SGCD: variants seen among roughly 807,000 people sequenced by gnomAD.
SGCD encodes the protein delta-sarcoglycan.
A neutral mutation model predicts 36.6 loss-of-function variants in SGCD; 18 were observed. The ratio of observed to expected loss-of-function variants is 0.49; its 90% CI spans 0.34 to 0.73. The LOEUF (loss-of-function observed/expected upper bound fraction) is 0.73. SGCD is among the 30% of genes least tolerant of loss of function. The probability of loss-of-function intolerance (pLI) is 0.01; values close to 1 mark genes in which losing one functional copy is unlikely to be tolerated. For missense variants in SGCD, 387 were observed against 346.7 expected, an observed-to-expected ratio of 1.12 and a Z score of -0.92; for synonymous variants, 133 against 130.6, an observed-to-expected ratio of 1.02 and a Z score of -0.12.
At chr5:155,926,546 TTTAAA>T (rs1262297208) in intron 1 of SGCD, among the ~76,000 whole-genome samples, 1 of 152,204 alleles carries the variant, frequency 6.6e-6, no homozygotes, top group African/African-American at 2.4e-5. Context: ...TTCTAAACAA[TTTAAA>T]TTAAAGATAT....
the SGCD span, among the ~76,000 whole-genome samples, chr5:155,803,784 T>A: frequency 6.6e-6 from 1 of 152,212 alleles, no homozygotes; most frequent in Non-Finnish European, 1.5e-5. Flanking sequence ...TATCTGTATC[T>A]GAGGGCAAGT....
the SGCD span, among the ~76,000 whole-genome samples, chr5:155,848,288 G>A: frequency 2.0e-5 from 3 of 152,216 alleles, no homozygotes; most frequent in African/African-American, 7.2e-5. Flanking sequence ...CAGGCCACAT[G>A]GACTTTGACT....
chr5:156,276,354 A>T (rs1766318159), intron 3 of SGCD, among the ~76,000 whole-genome samples: 1 of 152,174 alleles, frequency 6.6e-6, no homozygotes, highest in Non-Finnish European at 1.5e-5. Context: ...TTTATAAAAA[A>T]CTTTGAATTT....
chr5:156,180,466 T>C (rs1478096323), intron 3 of SGCD, among the ~76,000 whole-genome samples: 1 of 152,050 alleles, frequency 6.6e-6, no homozygotes, highest in Non-Finnish European at 1.5e-5. Context: ...TTTTAAACTC[T>C]GTAGACAAAT....
At chr5:156,120,877 G>A (rs1452032028) in intron 2 of SGCD, among the ~76,000 whole-genome samples, 4 of 152,134 alleles carry the variant, frequency 2.6e-5, no homozygotes, top group African/African-American at 4.8e-5. Flanking sequence ...TGCTTCCAAT[G>A]TTGTGTCTCT....
intron 1 of SGCD, among the ~76,000 whole-genome samples, chr5:156,096,702 T>A (rs938010319): frequency 6.6e-6 from 1 of 152,202 alleles, no homozygotes; most frequent in African/African-American, 2.4e-5. Flanking sequence ...ACATTGTGCC[T>A]GGTGGAAGGA....
At position 156,458,607 on chromosome 5, in the gene SGCD, AT is replaced by A. The variant is rs200439666; in HGVS notation, c.193-49991del. ...TAACATCTCTAAACCTCAGATTTTT[AT>A]TTGTAAAAATGAAAAAAATACAATA... On this transcript the variant is annotated intron_variant, in intron 3 of 8. Transcript: ENST00000337851. The A allele has an allele frequency of 2.7e-3, 1,824 of 684,016 alleles. 23 individuals are homozygous for A. In the African/African-American group the frequency reaches 0.029, roughly 11 times the overall value. 42.4% of individuals were successfully genotyped at this position (684,016 alleles called of 1,614,324 possible). A position where few individuals can be genotyped will look rare whatever the true frequency, so the allele number is the denominator to read the frequency against.
chr5:156,305,362 G>A (rs1214066565), intron 3 of SGCD, among the ~76,000 whole-genome samples: 1 of 152,186 alleles, frequency 6.6e-6, no homozygotes, highest in Non-Finnish European at 1.5e-5. Context: ...TAGAGCTTGG[G>A]CCATGCTTTC....
intron 3 of SGCD, among the ~76,000 whole-genome samples, chr5:156,465,542 C>T (rs1263122863): frequency 1.3e-5 from 2 of 152,126 alleles, no homozygotes; most frequent in African/African-American, 4.8e-5. Flanking sequence ...CCTTTGGTAA[C>T]TCTCACTCCC....
rs936015559 is a variant in SGCD, at chr5:156,054,496, A to G, written c.-281-63382A>G. On this transcript the variant is annotated intron_variant, in intron 1 of 9. Transcript: ENST00000517913. ...GAGACGGCGTTTCACCGTGTTAGCCAGGATGGTCTCAATCTCCTGACCTCG... is the reference window on the plus strand; with the variant it reads ...GAGACGGCGTTTCACCGTGTTAGCCGGGATGGTCTCAATCTCCTGACCTCG... 2.1e-5 allele frequency among the ~76,000 whole-genome samples: 3 copies of G among 145,688 alleles called. 1 individual carries two copies. The highest frequency in any genetic ancestry group is 4.6e-5 in the Non-Finnish European group (3 of 64,698).
intron 1 of SGCD, among the ~76,000 whole-genome samples, chr5:155,983,082 TC>T (rs746799938): frequency 1.3e-5 from 2 of 152,218 alleles, no homozygotes; most frequent in Non-Finnish European, 2.9e-5. Flanking sequence ...AATACTTTTT[TC>T]CATCTTAAAA....
At chr5:156,590,545 G>A (rs150535565) in intron 5 of SGCD, among the ~76,000 whole-genome samples, 1 of 152,168 alleles carries the variant, frequency 6.6e-6, no homozygotes, top group Non-Finnish European at 1.5e-5. Context: ...TAAGCAGCGT[G>A]TGTGAAAATT....
At chr5:156,409,428 C>A (rs1275128838) in intron 3 of SGCD, among the ~76,000 whole-genome samples, 1 of 152,202 alleles carries the variant, frequency 6.6e-6, no homozygotes, top group Non-Finnish European at 1.5e-5. Context: ...TTCAGATCGC[C>A]CACGCATCAG....
chr5:156,037,439 C>G lies in SGCD; in HGVS notation c.-281-80439C>G, dbSNP rs554743136. On this transcript the variant is annotated intron_variant, in intron 1 of 9. Transcript: ENST00000517913. ...GCATTTCTTCACATCTTTGCATTCC[C>G]CTGATGGCACCTGCACAGTTCTCAG... Among the ~76,000 whole-genome samples the G allele has an allele frequency of 8.5e-5, 13 of 152,308 alleles. No individual in the cohort carries two copies. In the South Asian group the frequency reaches 2.5e-3, roughly 29 times the overall value.
At chr5:156,617,670 A>G (rs371977292) in intron 6 of SGCD, among the ~76,000 whole-genome samples, 6 of 152,268 alleles carry the variant, frequency 3.9e-5, no homozygotes, top group African/African-American at 1.4e-4. Flanking sequence ...GTAACTTAAA[A>G]CAGTTGGAAG....
chr5:156,072,335 T>G (rs1410272335), intron 1 of SGCD, among the ~76,000 whole-genome samples: 1 of 152,012 alleles, frequency 6.6e-6, no homozygotes, highest in Non-Finnish European at 1.5e-5. Flanking sequence ...GGTGGTCACA[T>G]AATCTCTCAG....
intron 3 of SGCD, among the ~76,000 whole-genome samples, chr5:156,265,411 T>TTAAA (rs948466363): frequency 7.9e-5 from 12 of 152,200 alleles, no homozygotes; most frequent in African/African-American, 2.9e-4. Flanking sequence ...AGCTAGCCAG[T>TTAAA]TAAATGCAAT....
rs1188662757 is a variant in SGCD at position 156,436,245 on chromosome 5, AT to A, written c.193-72353del. On this transcript the variant is annotated intron_variant, in intron 3 of 8. Coordinates refer to ENST00000337851, the MANE Select transcript of SGCD (RefSeq NM_000337.6). The stretch of plus-strand genomic sequence containing the variant: ...AGAGGTGTAAAATGGATTTTGGTCA[AT>A]TTCTTAGGTTATCACACACTATAAG... Among the ~76,000 whole-genome samples the A allele has an allele frequency of 2.3e-4, 35 of 152,320 alleles. No individual in the cohort carries two copies. The South Asian group carries it at 7.0e-3, about 31-fold the overall frequency.
intron 1 of SGCD, among the ~76,000 whole-genome samples, chr5:156,036,325 G>A (rs994551144): frequency 2.6e-5 from 4 of 152,130 alleles, no homozygotes; most frequent in Non-Finnish European, 5.9e-5. Context: ...TTAAAGGCAG[G>A]GGTACATTTC....
Sources: allele counts gnomAD v4.1 joint callset (sites outside exome capture counted in the v4.1 genomes callset), GRCh38; gene constraint gnomAD v4.1.1; transcripts MANE v1.5; gene names NCBI Gene and HGNC (gene_info 2026-07-23, HGNC 2026-07-21).